Variants in FBXL17 observed in about 807,000 individuals in gnomAD.
FBXL17 encodes F-box and leucine rich repeat protein 17, also known as F-box/LRR-repeat protein 17.
A neutral mutation model predicts 66.2 loss-of-function variants in FBXL17; 22 were observed. The observed-to-expected ratio is 0.33, with a 90% CI of 0.24 to 0.47. FBXL17 has a LOEUF of 0.47. Ranked by LOEUF, FBXL17 falls within the 20% of genes least tolerant of loss-of-function variation. The pLI, the probability that FBXL17 is intolerant of heterozygous loss-of-function variation, is 1.00. For synonymous variants in FBXL17, 474 were observed against 400.5 expected, an observed-to-expected ratio of 1.18 and a Z score of -2.19; for missense variants, 878 against 948.2, an observed-to-expected ratio of 0.93 and a Z score of 0.97.
intron 5 of FBXL17, among the ~76,000 whole-genome samples, chr5:108,210,330 G>A (rs552455118): frequency 1.3e-5 from 2 of 151,814 alleles, no homozygotes; most frequent in African/African-American, 4.8e-5. Flanking sequence ...CTCTGATCTT[G>A]GTTATTTCTT....
chr5:108,248,316 G>A (rs945462019), intron 4 of FBXL17, among the ~76,000 whole-genome samples: 3 of 152,042 alleles, frequency 2.0e-5, no homozygotes, highest in Admixed American at 6.6e-5. Flanking sequence ...TAACCAAAAC[G>A]AAAAAGTCAT....
chr5:108,303,652 T>G (rs911860029), intron 4 of FBXL17, among the ~76,000 whole-genome samples: 2 of 151,896 alleles, frequency 1.3e-5, no homozygotes, highest in African/African-American at 4.8e-5. Context: ...CAGCAAAATT[T>G]TCGGAGTTTG....
chr5:107,898,502 A>G (rs1458281403), intron 7 of FBXL17, among the ~76,000 whole-genome samples: 3 of 152,070 alleles, frequency 2.0e-5, no homozygotes, highest in Non-Finnish European at 4.4e-5. Context: ...TGTTATTAAC[A>G]TTTTTTATTA....
intron 6 of FBXL17, among the ~76,000 whole-genome samples, chr5:108,053,794 A>G (rs181256693): frequency 6.6e-6 from 1 of 152,338 alleles, no homozygotes; most frequent in African/African-American, 2.4e-5. Flanking sequence ...TCATTCTACT[A>G]TAAAGGTACA....
intron 7 of FBXL17, among the ~76,000 whole-genome samples, chr5:107,892,173 G>C (rs1267375938): frequency 1.3e-5 from 2 of 152,062 alleles, no homozygotes; most frequent in African/African-American, 2.4e-5. Flanking sequence ...CGTCTCTACT[G>C]AATGTGTATT....
At chr5:107,981,278 C>A (rs1180752878) in intron 7 of FBXL17, among the ~76,000 whole-genome samples, 1 of 152,326 alleles carries the variant, frequency 6.6e-6, no homozygotes, top group Admixed American at 6.5e-5. Flanking sequence ...GGACTGGATC[C>A]TGTTCAAAGC....
chr5:108,344,013 G>C (rs188826960), intron 4 of FBXL17, among the ~76,000 whole-genome samples: 5 of 152,140 alleles, frequency 3.3e-5, no homozygotes, highest in African/African-American at 1.2e-4. Context: ...GTATGAAGTA[G>C]TATTGTATCC....
chr5:107,897,455 C>A (rs747117326), intron 7 of FBXL17, among the ~76,000 whole-genome samples: 3 of 149,650 alleles, frequency 2.0e-5, no homozygotes, highest in African/African-American at 5.1e-5. Flanking sequence ...TAATGACAAC[C>A]CTTTTTCTGG....
intron 4 of FBXL17, among the ~76,000 whole-genome samples, chr5:108,303,012 T>C (rs1758662308): frequency 6.6e-6 from 1 of 151,894 alleles, no homozygotes; most frequent in Non-Finnish European, 1.5e-5. Context: ...CATGAAATTA[T>C]ATAGTTTCAC....
At chr5:108,163,034 T>A (rs1191079689) in intron 6 of FBXL17, among the ~76,000 whole-genome samples, 1 of 152,182 alleles carries the variant, frequency 6.6e-6, no homozygotes, top group Non-Finnish European at 1.5e-5. Context: ...AACTCTTATA[T>A]TACAATATTC....
chr5:108,022,903 C>G (rs1222187341), intron 6 of FBXL17, among the ~76,000 whole-genome samples: 1 of 152,044 alleles, frequency 6.6e-6, no homozygotes, highest in Non-Finnish European at 1.5e-5. Context: ...GATAAAGGGT[C>G]ATGAGCATCA....
intron 6 of FBXL17, among the ~76,000 whole-genome samples, chr5:108,177,479 G>A (rs1041011976): frequency 6.6e-6 from 1 of 152,064 alleles, no homozygotes; most frequent in Non-Finnish European, 1.5e-5. Flanking sequence ...GTCTGAGGTC[G>A]GATGACCATT....
chr5:108,168,002 G>A (rs555654662), intron 6 of FBXL17, among the ~76,000 whole-genome samples: 15 of 152,290 alleles, frequency 9.8e-5, no homozygotes, highest in African/African-American at 3.6e-4. Flanking sequence ...CTGGGGAAAG[G>A]AGGAATGAGG....
intron 4 of FBXL17, among the ~76,000 whole-genome samples, chr5:108,336,875 T>C (rs1760408549): frequency 6.6e-6 from 1 of 152,196 alleles, no homozygotes; most frequent in Non-Finnish European, 1.5e-5. Flanking sequence ...TATACTTTTA[T>C]GTACATATTA....
In FBXL17 at chr5:107,881,026, T is replaced by A; in HGVS notation, c.1965+11A>T. ...ATGTAGAAAGCAAACAACTTGATAG[T>A]CAACTCTTACTTTATCACATCTCAT... On this transcript the variant is annotated intron_variant, in intron 8 of 8. Coordinates refer to ENST00000542267, the MANE Select transcript of FBXL17 (RefSeq NM_001163315.3). The A allele has an allele frequency of 1.9e-6, 3 of 1,614,080 alleles. No individual in the cohort carries two copies. Among genetic ancestry groups the A allele is most frequent in the Non-Finnish European group, 2.5e-6 (3 of 1,179,958 alleles).
At chr5:107,965,655 T>C (rs1009448096) in intron 7 of FBXL17, among the ~76,000 whole-genome samples, 76 of 152,326 alleles carry the variant, frequency 5.0e-4, no homozygotes, top group African/African-American at 1.8e-3. Context: ...AATATGTTTT[T>C]AAACATACCC....
intron 4 of FBXL17, chr5:108,297,731 G>A (rs1158392695): frequency 1.8e-6 from 1 of 561,590 alleles, no homozygotes; most frequent in Non-Finnish European, 2.3e-6. Context: ...AAGCAACTCA[G>A]AAATAAACTT....
intron 4 of FBXL17, among the ~76,000 whole-genome samples, chr5:108,307,901 T>C (rs1001022566): frequency 1.3e-4 from 20 of 152,138 alleles, no homozygotes; most frequent in African/African-American, 4.3e-4. Context: ...CAGTTTGCTT[T>C]AGCTTTTATC....
intron 4 of FBXL17, among the ~76,000 whole-genome samples, chr5:108,286,906 CA>C (rs1021099683): frequency 4.6e-5 from 7 of 151,932 alleles, no homozygotes; most frequent in Admixed American, 1.3e-4. Flanking sequence ...GTAACCAAAA[CA>C]GCATTATACT....
Sources: gnomAD v4.1 joint callset for allele counts (sites outside exome capture counted in the v4.1 genomes callset) on GRCh38, gnomAD v4.1.1 for gene constraint, MANE v1.5 for transcripts, NCBI Gene and HGNC (gene_info 2026-07-23, HGNC 2026-07-21) for gene names.